The following CCDC38 variants were observed in gnomAD, a reference collection of about 807,000 sequenced individuals.
The protein encoded by CCDC38 is coiled-coil domain-containing protein 38.
In CCDC38, 69 loss-of-function variants were observed where a neutral mutation model predicts 72.8. The observed-to-expected ratio is 0.95, with a 90% CI of 0.78 to 1.16. The LOEUF (loss-of-function observed/expected upper bound fraction) is 1.16. Among genes scored for constraint, CCDC38 ranks in the 50% most tolerant of loss-of-function variants. The pLI is 0.00. For synonymous variants in CCDC38, 201 were observed against 213.2 expected, an observed-to-expected ratio of 0.94 and a Z score of 0.50; for missense variants, 626 against 638.9, an observed-to-expected ratio of 0.98 and a Z score of 0.22.
chr12:95,920,369 G>C (rs957589435), intron 2 of CCDC38, among the ~76,000 whole-genome samples: 3 of 152,106 alleles, frequency 2.0e-5, no homozygotes, highest in African/African-American at 7.2e-5. Flanking sequence ...CAACCATATG[G>C]AACTGTGAAT....
chr12:95,941,101 T>C (rs1470111873), intron 1 of CCDC38, among the ~76,000 whole-genome samples: 1 of 152,242 alleles, frequency 6.6e-6, no homozygotes, highest in Non-Finnish European at 1.5e-5. Flanking sequence ...GCAAACCTCC[T>C]GTTTGCAGGA....
chr12:95,880,065 A>G lies in CCDC38; in HGVS notation c.991-270T>C, dbSNP rs190536126. On this transcript the variant is annotated intron_variant, in intron 11 of 15. Transcript: ENST00000344280. ...GAGGGTGAGGAAAAGGAGACAGAGC[A>G]GAAGAGGAGGCAAGTGCGGGAAAAA... 2.4e-4 allele frequency: 59 copies of G among 244,470 alleles called. No homozygotes were observed. The East Asian group carries it at 3.3e-3, about 14-fold the overall frequency. The allele number at this position is 244,470 out of a possible 1,614,324, so 15.1% of individuals were successfully genotyped here.
intron 13 of CCDC38, among the ~76,000 whole-genome samples, chr12:95,877,105 G>A (rs1026648294): frequency 6.6e-6 from 1 of 152,098 alleles, no homozygotes; most frequent in Non-Finnish European, 1.5e-5. Context: ...CAAGTTTATT[G>A]GGGATCTGAA....
intron 9 of CCDC38, 28 bp downstream of exon 9, chr12:95,890,804 C>G: frequency 7.1e-7 from 1 of 1,413,252 alleles, no homozygotes. Flanking sequence ...GCAGGTTTTA[C>G]TTTCATGAGT....
chr12:95,888,366 T>C, intron 10 of CCDC38, 92 bp downstream of exon 10: 1 of 1,120,196 alleles, frequency 8.9e-7, no homozygotes, highest in Non-Finnish European at 1.4e-6. Context: ...CAGTTATGGG[T>C]ACATGACATA....
chr12:95,913,615 G>A (rs1442408771), intron 4 of CCDC38, among the ~76,000 whole-genome samples: 1 of 152,178 alleles, frequency 6.6e-6, no homozygotes, highest in Non-Finnish European at 1.5e-5. Flanking sequence ...CAAAGCATAA[G>A]TAAGCCCGGG....
At chr12:95,870,522 A>G (rs989333565) in intron 14 of CCDC38, among the ~76,000 whole-genome samples, 14 of 152,210 alleles carry the variant, frequency 9.2e-5, no homozygotes, top group African/African-American at 3.4e-4. Context: ...CCATGGGGAA[A>G]ATCAGCTAAA....
chr12:95,895,491 C>T (rs549680182), intron 7 of CCDC38, among the ~76,000 whole-genome samples: 33 of 152,276 alleles, frequency 2.2e-4, no homozygotes, highest in Middle Eastern at 3.4e-3. Context: ...GTGGCTCACA[C>T]GTGTAATCCC....
chr12:95,889,033 C>CTTTTTTTTT (rs63374760), intron 9 of CCDC38: 19 of 85,086 alleles, frequency 2.2e-4, no homozygotes, highest in African/African-American at 4.2e-4. Flanking sequence ...ATTGTCTCAG[C>CTTTTTTTTT]TTTTTTTTTT....
chr12:95,900,967 A>C (rs1372266531), intron 5 of CCDC38, among the ~76,000 whole-genome samples: 1 of 152,206 alleles, frequency 6.6e-6, no homozygotes, highest in Non-Finnish European at 1.5e-5. Flanking sequence ...GCTGGGGACC[A>C]GATCAAGTCG....
chr12:95,872,519 A>G (rs2079592385), intron 13 of CCDC38, 59 bp from the exon 14 acceptor site: 8 of 1,049,058 alleles, frequency 7.6e-6, no homozygotes, highest in South Asian at 1.3e-5. Context: ...TAAATATACC[A>G]TTTTACTATA....
rs1265711704 is a variant in CCDC38, at chr12:95,879,049, C to T, written c.1142+595G>A. 6.6e-6 allele frequency among the ~76,000 whole-genome samples: 1 copy of T among 152,066 alleles called. No individual in the cohort carries two copies. On this transcript the variant is annotated intron_variant, in intron 12 of 15. Coordinates refer to ENST00000344280, the MANE Select transcript of CCDC38 (RefSeq NM_182496.3). This position sits in a 1 kb window ranked among gnomAD's most constrained non-coding sequence, Gnocchi z 5.5. ...TACACATTTTTGCAATGAGTAGATA[C>T]AAAGATTTATTCTCTGTAATTCAAT... is the stretch of plus-strand genomic sequence containing the variant.
At chr12:95,931,055 T>A (rs1013516070) in intron 2 of CCDC38, among the ~76,000 whole-genome samples, 11 of 152,176 alleles carry the variant, frequency 7.2e-5, no homozygotes, top group Non-Finnish European at 4.4e-5. Flanking sequence ...ACCACAAACC[T>A]AGTGGTTTAA....
At chr12:95,891,541 T>A (rs11615097) in intron 8 of CCDC38, among the ~76,000 whole-genome samples, 1 of 152,006 alleles carries the variant, frequency 6.6e-6, no homozygotes, top group Non-Finnish European at 1.5e-5. Context: ...AGAGATGGGG[T>A]TTCACCATGT....
At chr12:95,913,495 G>A (rs980700451) in intron 4 of CCDC38, among the ~76,000 whole-genome samples, 1 of 152,092 alleles carries the variant, frequency 6.6e-6, no homozygotes, top group African/African-American at 2.4e-5. Context: ...ATCCTAGACA[G>A]GAAATATTCT....
In CCDC38 at chr12:95,911,089, A is replaced by G. The variant is rs572625883; in HGVS notation, c.305-4638T>C. Among the ~76,000 whole-genome samples, 173 of 152,322 alleles carry G rather than the reference A, an allele frequency of 1.1e-3. 1 individual carries two copies. The highest frequency in any genetic ancestry group is 3.4e-3 in the African/African-American group (141 of 41,572). On this transcript the variant is annotated intron_variant, in intron 4 of 15. Coordinates refer to ENST00000344280, the MANE Select transcript of CCDC38 (RefSeq NM_182496.3). Reference sequence around the variant, plus strand: ...AAAACAGAGAAATAAAGCTGCACACATACAACCAACTGATTGTCAACAAAG... The same window carrying G: ...AAAACAGAGAAATAAAGCTGCACACGTACAACCAACTGATTGTCAACAAAG...
intron 4 of CCDC38, among the ~76,000 whole-genome samples, chr12:95,909,915 G>C (rs1170194256): frequency 6.6e-6 from 1 of 152,066 alleles, no homozygotes; most frequent in Non-Finnish European, 1.5e-5. Context: ...AATACTAACA[G>C]CCATCTATGA....
chr12:95,935,057 C>A (rs917981301), intron 2 of CCDC38: 2 of 152,086 alleles, frequency 1.3e-5, no homozygotes, highest in African/African-American at 2.4e-5. Flanking sequence ...CATAACCAAC[C>A]CTTTCCAATG....
Position 95,898,642 on chromosome 12 carries a change from C to A in CCDC38, c.459G>T (p.Lys153Asn), listed in dbSNP as rs778901220. The change falls in exon 6 of 16, where the codon AAG becomes AAT. Residue 153 changes from lysine (K) to asparagine (N), a missense_variant. By Grantham distance (94) the Lys-to-Asn change is moderately conservative. Coordinates refer to ENST00000344280, the MANE Select transcript of CCDC38 (RefSeq NM_182496.3). ...RERQLKKAEK[K>N]LQDDALAFEE... ...CAAAGGCCAGTGCATCATCTTGGAG[C>A]TTTTTCTCTGCTTTTTTTAGTTGCC... The A allele has an allele frequency of 1.9e-6, 3 of 1,613,974 alleles. No homozygotes were observed. The African/African-American group carries it at 4.0e-5, about 22-fold the overall frequency.
Sources: allele counts gnomAD v4.1 joint callset (sites outside exome capture counted in the v4.1 genomes callset), GRCh38; gene constraint gnomAD v4.1.1; non-coding constraint Gnocchi (gnomAD v3.1); transcripts MANE v1.5; gene names NCBI Gene and HGNC (gene_info 2026-07-23, HGNC 2026-07-21).